BABAM2: variants seen among roughly 807,000 people sequenced by gnomAD.
BABAM2 encodes BRISC and BRCA1-A complex member 2.
BABAM2 carries 31 observed loss-of-function variants against 54.7 expected under a neutral mutation model. The ratio of observed to expected loss-of-function variants is 0.57; its 90% CI spans 0.43 to 0.77. The LOEUF (loss-of-function observed/expected upper bound fraction) is 0.77, where lower values mean the gene tolerates loss of function less well. Ranked by LOEUF, BABAM2 falls within the 30% of genes least tolerant of loss-of-function variation. BABAM2 has a pLI of 0.00. For synonymous variants in BABAM2, 167 were observed against 162.9 expected (o/e 1.03, Z -0.19); for missense variants, 364 against 455.8 (o/e 0.80, Z 1.83).
chr2:28,167,008 C>G (rs1673750584), intron 7 of BABAM2, among the ~76,000 whole-genome samples: 1 of 152,112 alleles, frequency 6.6e-6, no homozygotes, highest in African/African-American at 2.4e-5. Flanking sequence ...TGTTAACATG[C>G]TGGTGGGTGT....
chr2:28,057,799 A>G (rs1678548567), intron 6 of BABAM2, among the ~76,000 whole-genome samples: 1 of 152,200 alleles, frequency 6.6e-6, no homozygotes, highest in Non-Finnish European at 1.5e-5. Flanking sequence ...AAAAACCTTT[A>G]TAAAGGAGGT....
intron 11 of BABAM2, among the ~76,000 whole-genome samples, chr2:28,330,085 A>G (rs1690816260): frequency 6.6e-6 from 1 of 152,258 alleles, no homozygotes; most frequent in Non-Finnish European, 1.5e-5. Flanking sequence ...CAAAAACCAC[A>G]TGATTATCTC....
rs969460408 is a variant in BABAM2, at chr2:28,234,541, T to G, written c.681-2661T>G. ...TGATTAAAGACTTCTCTTGTAATAT[T>G]TTATATAAGTCAAAGCCTATTACTG... On this transcript the variant is annotated intron_variant, in intron 7 of 11. Transcript: ENST00000379624. Among the ~76,000 whole-genome samples, 10 of 152,320 alleles carry G rather than the reference T, an allele frequency of 6.6e-5. No homozygotes were observed. The South Asian group carries it at 2.1e-3, about 32-fold the overall frequency.
intron 10 of BABAM2, among the ~76,000 whole-genome samples, chr2:28,283,868 C>T (rs1348399423): frequency 6.6e-6 from 1 of 152,018 alleles, no homozygotes; most frequent in African/African-American, 2.4e-5. Context: ...AGATTTTTAT[C>T]AAAAACAATG....
chr2:28,039,226 CTT>C (rs1676888353), intron 5 of BABAM2, among the ~76,000 whole-genome samples: 1 of 152,172 alleles, frequency 6.6e-6, no homozygotes, highest in African/African-American at 2.4e-5. Context: ...CTCTGTGACT[CTT>C]TGTTACTCTC....
At chr2:28,232,709 A>G (rs1288095766) in intron 7 of BABAM2, among the ~76,000 whole-genome samples, 1 of 152,230 alleles carries the variant, frequency 6.6e-6, no homozygotes, top group African/African-American at 2.4e-5. Flanking sequence ...GACAGTAAAC[A>G]TACGGTATTG....
In BABAM2 at chr2:28,033,953, G is replaced by A. The variant is rs142846641; in HGVS notation, c.495+8533G>A. Among the ~76,000 whole-genome samples, 319 of 152,212 alleles carry A rather than the reference G, an allele frequency of 2.1e-3. 1 individual carries two copies. Among genetic ancestry groups the A allele is most frequent in the African/African-American group, 7.3e-3 (302 of 41,518 alleles). ...TAATGATTTATGCTTTTATAATGGGGATGTGAGACAATTACCTTTTTTGCT... is the reference window on the plus strand; with the variant it reads ...TAATGATTTATGCTTTTATAATGGGAATGTGAGACAATTACCTTTTTTGCT... On this transcript the variant is annotated intron_variant, in intron 5 of 11. Transcript: ENST00000379624.
chr2:28,121,628 A>T (rs1669075188), intron 6 of BABAM2, among the ~76,000 whole-genome samples: 1 of 152,158 alleles, frequency 6.6e-6, no homozygotes, highest in South Asian at 2.1e-4. Flanking sequence ...CATAAAGCCA[A>T]CTTTGAGCAC....
At chr2:28,004,975 G>A (rs1409915529) in intron 4 of BABAM2, among the ~76,000 whole-genome samples, 1 of 152,144 alleles carries the variant, frequency 6.6e-6, no homozygotes, top group African/African-American at 2.4e-5. Flanking sequence ...AATGAGATTT[G>A]ACTTTAATTT....
intron 3 of BABAM2, among the ~76,000 whole-genome samples, chr2:27,981,482 G>A (rs910799430): frequency 9.9e-5 from 15 of 152,064 alleles, no homozygotes; most frequent in Non-Finnish European, 1.3e-4. Context: ...CAAAAAGAAA[G>A]CTTGTACCAG....
intron 7 of BABAM2, among the ~76,000 whole-genome samples, chr2:28,149,954 T>C (rs558940010): frequency 1.3e-5 from 2 of 152,316 alleles, no homozygotes; most frequent in African/African-American, 4.8e-5. Context: ...CATATTTTGT[T>C]TTACATAGTA....
intron 3 of BABAM2, among the ~76,000 whole-genome samples, chr2:27,978,415 C>CG (rs1558632727): frequency 6.6e-6 from 1 of 152,138 alleles, no homozygotes; most frequent in Non-Finnish European, 1.5e-5. Flanking sequence ...ATCCAGTCCT[C>CG]GGTTAGTTCT....
intron 7 of BABAM2, among the ~76,000 whole-genome samples, chr2:28,215,238 T>C (rs907338938): frequency 6.6e-6 from 1 of 152,182 alleles, no homozygotes; most frequent in Non-Finnish European, 1.5e-5. Context: ...AACCAGACTT[T>C]GTTCTAATGT....
chr2:27,963,706 T>C (rs1424494305), intron 3 of BABAM2, among the ~76,000 whole-genome samples: 2 of 152,164 alleles, frequency 1.3e-5, no homozygotes, highest in Non-Finnish European at 2.9e-5. Context: ...TCTTTCTAGA[T>C]GTTTCATATG....
intron 6 of BABAM2, among the ~76,000 whole-genome samples, chr2:28,124,396 G>A (rs1040387001): frequency 6.6e-6 from 1 of 152,130 alleles, no homozygotes; most frequent in Non-Finnish European, 1.5e-5. Context: ...GAAAGTTCAA[G>A]GTTGAATACT....
intron 6 of BABAM2, among the ~76,000 whole-genome samples, chr2:28,071,928 A>ACT (rs1664180103): frequency 6.6e-6 from 1 of 152,130 alleles, no homozygotes. Context: ...TGGCCCTAGT[A>ACT]GTCTTTGATA....
intron 7 of BABAM2, among the ~76,000 whole-genome samples, chr2:28,200,519 G>A (rs1678145790): frequency 6.6e-6 from 1 of 152,200 alleles, no homozygotes; most frequent in South Asian, 2.1e-4. Context: ...TTAGCCAGAG[G>A]GGTAAAGTGC....
chr2:27,988,253 G>C (rs571880325), intron 4 of BABAM2, among the ~76,000 whole-genome samples, 166 bp downstream of exon 4: 1 of 152,212 alleles, frequency 6.6e-6, no homozygotes, highest in South Asian at 2.1e-4. Flanking sequence ...TGCCATAGTA[G>C]TTAAATAAGA....
intron 7 of BABAM2, among the ~76,000 whole-genome samples, chr2:28,201,243 T>A (rs1033029543): frequency 6.6e-6 from 1 of 152,192 alleles, no homozygotes; most frequent in Non-Finnish European, 1.5e-5. Context: ...TGCAACATGA[T>A]AGCAGAAATA....
Sources: allele counts gnomAD v4.1 joint callset (sites outside exome capture counted in the v4.1 genomes callset), GRCh38; gene constraint gnomAD v4.1.1; transcripts MANE v1.5; gene names NCBI Gene and HGNC (gene_info 2026-07-23, HGNC 2026-07-21).